Variants in SDK1 observed in about 807,000 individuals in gnomAD.
SDK1 encodes the protein protein sidekick-1.
SDK1 carries 157 observed loss-of-function variants against 245.5 expected under a neutral mutation model. The observed-to-expected ratio is 0.64, with a 90% CI of 0.56 to 0.73. The LOEUF is 0.73. Ranked by LOEUF, SDK1 falls within the 30% of genes least tolerant of loss-of-function variation. The pLI, the probability that SDK1 is intolerant of heterozygous loss-of-function variation, is 0.00. For synonymous variants in SDK1, 1,647 were observed against 1,278.5 expected (o/e 1.29, Z -6.15); for missense variants, 3,583 against 3,002.3 (o/e 1.19, Z -4.52).
At chr7:3,446,651 ATAAGT>A (rs1478306396) in intron 1 of SDK1, among the ~76,000 whole-genome samples, 1 of 152,220 alleles carries the variant, frequency 6.6e-6, no homozygotes, top group African/African-American at 2.4e-5. Context: ...CATTTGTAGA[ATAAGT>A]TAATAATAAT....
rs1418924401 is a variant in SDK1 at position 3,573,259 on chromosome 7, G to A, written c.299-45821G>A. 2.8e-4 allele frequency among the ~76,000 whole-genome samples: 43 copies of A among 152,134 alleles called. 1 individual carries two copies. Among genetic ancestry groups the A allele is most frequent in the East Asian group, 1.9e-4 (1 of 5,186 alleles). ...GGCAGAATAAAGGCATTGGTGGGAC[G>A]ATGGCTGGAGCTGAGCAAGGGACTG... On this transcript the variant is annotated intron_variant, in intron 1 of 44. Transcript: ENST00000404826.
intron 13 of SDK1, among the ~76,000 whole-genome samples, chr7:3,979,795 A>T (rs1345725692): frequency 6.6e-6 from 1 of 152,196 alleles, no homozygotes; most frequent in Non-Finnish European, 1.5e-5. Flanking sequence ...ATCTTCCTGT[A>T]TTGAGCACAC....
intron 4 of SDK1, among the ~76,000 whole-genome samples, chr7:3,702,590 C>A (rs967612385): frequency 6.6e-6 from 1 of 152,228 alleles, no homozygotes; most frequent in Non-Finnish European, 1.5e-5. Flanking sequence ...TTCTCGTACA[C>A]TGACTCCAGC....
In SDK1 at chr7:4,203,407, C is replaced by T. The variant is rs115755437; in HGVS notation, c.5099-2472C>T. Among the ~76,000 whole-genome samples, 1,153 of 152,256 alleles carry T rather than the reference C, an allele frequency of 7.6e-3. 14 individuals carry two copies. The highest frequency in any genetic ancestry group is 0.027 in the African/African-American group (1,106 of 41,552). ...GGCATCGTAGCCTTAGCGTGAGACC[C>T]CAGAGAAAACCCCAGCTTTGCACCT... On this transcript the variant is annotated intron_variant, in intron 35 of 44. Transcript: ENST00000404826.
At chr7:3,682,099 C>A (rs537649584) in intron 4 of SDK1, among the ~76,000 whole-genome samples, 1 of 152,152 alleles carries the variant, frequency 6.6e-6, no homozygotes, top group Non-Finnish European at 1.5e-5. Context: ...GCCTGTCAGA[C>A]GACCAGTGAA....
intron 1 of SDK1, among the ~76,000 whole-genome samples, chr7:3,604,602 C>CTTTTTT (rs201453008): frequency 4.5e-5 from 5 of 110,524 alleles, no homozygotes; most frequent in African/African-American, 1.0e-4. Flanking sequence ...CTTTTCTTTT[C>CTTTTTT]TTTTTTTTTT....
chr7:4,191,378 C>T (rs974748557), intron 35 of SDK1, among the ~76,000 whole-genome samples: 5 of 152,240 alleles, frequency 3.3e-5, no homozygotes, highest in Admixed American at 1.3e-4. Flanking sequence ...ACTCATCTGA[C>T]GTCCATCACT....
intron 5 of SDK1, among the ~76,000 whole-genome samples, chr7:3,905,916 A>G (rs1310646954): frequency 2.0e-5 from 3 of 152,134 alleles, no homozygotes; most frequent in African/African-American, 7.2e-5. Flanking sequence ...GAGCCACTGT[A>G]CCTGGCCTCA....
At chr7:3,784,500 A>G (rs1294087999) in intron 4 of SDK1, among the ~76,000 whole-genome samples, 2 of 152,062 alleles carry the variant, frequency 1.3e-5, no homozygotes, top group Non-Finnish European at 2.9e-5. Context: ...AGAAGCTCAA[A>G]CAACTCAATA....
intron 4 of SDK1, among the ~76,000 whole-genome samples, chr7:3,722,153 T>G (rs1055690474): frequency 6.6e-6 from 1 of 152,140 alleles, no homozygotes; most frequent in African/African-American, 2.4e-5. Flanking sequence ...GTGCTGGAAT[T>G]ACAGATGTGA....
chr7:4,095,071 C>G lies in SDK1; in HGVS notation c.3324+15487C>G, dbSNP rs116614952. 3.9e-3 allele frequency among the ~76,000 whole-genome samples: 597 copies of G among 152,288 alleles called. 2 individuals carry two copies. Among genetic ancestry groups the G allele is most frequent in the Middle Eastern group, 0.01 (3 of 294 alleles). On this transcript the variant is annotated intron_variant, in intron 22 of 44. Coordinates refer to ENST00000404826, the MANE Select transcript of SDK1 (RefSeq NM_152744.4). ...AGGCTCCTTAGGAAGAAATTTAGAA[C>G]AAACAGCAGAGGTCAGAGTTCCATC...
intron 5 of SDK1, among the ~76,000 whole-genome samples, chr7:3,845,488 CAAA>C (rs369588343): frequency 2.3e-3 from 92 of 40,172 alleles, no homozygotes; most frequent in African/African-American, 6.8e-3. Context: ...GACTCCGTCT[CAAA>C]AAAAAAAAAA....
intron 16 of SDK1, among the ~76,000 whole-genome samples, chr7:4,014,928 G>A (rs1562671150): frequency 6.6e-6 from 1 of 152,182 alleles, no homozygotes. Flanking sequence ...AGGCTCTTTG[G>A]AAGATGTAAA....
chr7:3,429,648 G>A (rs1442696375), intron 1 of SDK1, among the ~76,000 whole-genome samples: 2 of 147,904 alleles, frequency 1.4e-5, no homozygotes, highest in South Asian at 2.1e-4. Context: ...CCAGGCTGTA[G>A]TGCAGTGGCA....
At chr7:3,757,723 C>A (rs1204962175) in intron 4 of SDK1, among the ~76,000 whole-genome samples, 1 of 152,178 alleles carries the variant, frequency 6.6e-6, no homozygotes, top group African/African-American at 2.4e-5. Flanking sequence ...CTTCCAACCC[C>A]ATTGCTGGAG....
intron 1 of SDK1, among the ~76,000 whole-genome samples, chr7:3,322,009 GT>G (rs75658453): frequency 0.17 from 23,553 of 142,032 alleles, 2,128 homozygotes; most frequent in East Asian, 0.35. Context: ...TCTTTCTAAA[GT>G]TTTTTTTTTT....
chr7:3,722,528 A>G (rs945513829), intron 4 of SDK1, among the ~76,000 whole-genome samples: 6 of 152,078 alleles, frequency 3.9e-5, no homozygotes, highest in African/African-American at 1.4e-4. Flanking sequence ...CTCCTCTTCA[A>G]TCCTGTATCT....
chr7:3,905,982 G>C (rs1778900101), intron 5 of SDK1, among the ~76,000 whole-genome samples: 1 of 151,432 alleles, frequency 6.6e-6, no homozygotes, highest in South Asian at 2.1e-4. Context: ...CACTTGTTTT[G>C]GTCTCCTTCT....
chr7:3,602,335 A>G (rs1781279725), intron 1 of SDK1, among the ~76,000 whole-genome samples: 1 of 150,970 alleles, frequency 6.6e-6, no homozygotes. Flanking sequence ...CCTCTCCAGC[A>G]CCTGTTGTTT....
Sources: gnomAD v4.1 joint callset for allele counts (sites outside exome capture counted in the v4.1 genomes callset) on GRCh38, gnomAD v4.1.1 for gene constraint, MANE v1.5 for transcripts, NCBI Gene and HGNC (gene_info 2026-07-23, HGNC 2026-07-21) for gene names.